The following KCNK2 variants were observed in gnomAD, a reference collection of about 807,000 sequenced individuals.
KCNK2 encodes the protein potassium two pore domain channel subfamily K member 2.
In KCNK2, 21 loss-of-function variants were observed where a neutral mutation model predicts 40.5. The observed-to-expected ratio is 0.52, with a 90% CI of 0.37 to 0.75. KCNK2 has a LOEUF of 0.75. KCNK2 is among the 30% of genes least tolerant of loss of function. The probability of loss-of-function intolerance (pLI) is 0.00; values close to 1 mark genes in which losing one functional copy is unlikely to be tolerated. For missense variants in KCNK2, 399 were observed against 531.6 expected (o/e 0.75, Z 2.45); for synonymous variants, 191 against 202.2 (o/e 0.94, Z 0.47).
At chr1:215,032,237 G>C (rs971174368) in intron 1 of KCNK2, among the ~76,000 whole-genome samples, 1 of 151,588 alleles carries the variant, frequency 6.6e-6, no homozygotes, top group Non-Finnish European at 1.5e-5. Context: ...GGGAGACCCT[G>C]TGTCTACAAA....
intron 6 of KCNK2, among the ~76,000 whole-genome samples, chr1:215,208,144 G>T (rs1665398007): frequency 6.6e-6 from 1 of 152,030 alleles, no homozygotes; most frequent in African/African-American, 2.4e-5. Context: ...ATGACAGAAT[G>T]GATACATATA....
chr1:215,179,135 G>T (rs368788940), intron 5 of KCNK2, among the ~76,000 whole-genome samples: 2 of 151,860 alleles, frequency 1.3e-5, no homozygotes, highest in African/African-American at 4.8e-5. Flanking sequence ...TTTAATTTGT[G>T]TGCATAGAAA....
At chr1:215,084,607 T>A (rs6540883) in intron 1 of KCNK2, among the ~76,000 whole-genome samples, 380 of 152,164 alleles carry the variant, frequency 2.5e-3, no homozygotes, top group Middle Eastern at 6.8e-3. Flanking sequence ...CAGTTTTTTT[T>A]AATTATAGCA....
chr1:215,178,224 T>C (rs559982731), intron 5 of KCNK2, among the ~76,000 whole-genome samples: 1 of 152,270 alleles, frequency 6.6e-6, no homozygotes, highest in South Asian at 2.1e-4. Context: ...TATCTTCAAA[T>C]GTTACTGAAG....
At chr1:215,125,678 G>T (rs888784826) in intron 3 of KCNK2, among the ~76,000 whole-genome samples, 2 of 146,806 alleles carry the variant, frequency 1.4e-5, no homozygotes, top group African/African-American at 5.0e-5. Flanking sequence ...CATGGCACAT[G>T]TATACATATG....
chr1:215,041,591 T>C (rs761323912), intron 1 of KCNK2, among the ~76,000 whole-genome samples: 1 of 152,234 alleles, frequency 6.6e-6, no homozygotes, highest in Non-Finnish European at 1.5e-5. Context: ...CAGATCTTGA[T>C]ATTAGCTAGC....
At chr1:215,139,956 T>G (rs1662099984) in intron 3 of KCNK2, among the ~76,000 whole-genome samples, 1 of 152,154 alleles carries the variant, frequency 6.6e-6, no homozygotes, top group African/African-American at 2.4e-5. Flanking sequence ...TCTTTTACAG[T>G]GATTTTCCTA....
intron 2 of KCNK2, among the ~76,000 whole-genome samples, chr1:215,097,797 A>T (rs975668671): frequency 5.9e-5 from 9 of 151,982 alleles, no homozygotes; most frequent in African/African-American, 2.2e-4. Flanking sequence ...AATTCTTTTA[A>T]TAAGTAAAAT....
At chr1:215,145,675 T>C (rs1309537868) in intron 3 of KCNK2, among the ~76,000 whole-genome samples, 1 of 152,230 alleles carries the variant, frequency 6.6e-6, no homozygotes, top group Admixed American at 6.5e-5. Flanking sequence ...TATGGTTTAT[T>C]GTTTGATGCC....
intron 6 of KCNK2, among the ~76,000 whole-genome samples, chr1:215,212,141 T>C (rs1665768651): frequency 2.0e-5 from 3 of 152,138 alleles, no homozygotes. Context: ...ACTTTATAGC[T>C]GCAGCAAAAT....
At chr1:215,184,993 G>A (rs1339406) in intron 5 of KCNK2, among the ~76,000 whole-genome samples, 83,786 of 151,966 alleles carry the variant, frequency 0.55, 25,629 homozygotes, top group Non-Finnish European at 0.68. Context: ...TCATTTTGTA[G>A]AAGATGAAAA....
intron 1 of KCNK2, among the ~76,000 whole-genome samples, chr1:215,028,899 T>A (rs909079259): frequency 2.0e-5 from 3 of 152,178 alleles, no homozygotes; most frequent in African/African-American, 7.2e-5. Context: ...ATTTAATAAT[T>A]CATTTAAATG....
intron 6 of KCNK2, among the ~76,000 whole-genome samples, chr1:215,207,480 A>T (rs1187079970): frequency 1.3e-5 from 2 of 152,198 alleles, no homozygotes; most frequent in Non-Finnish European, 2.9e-5. Context: ...TGCTGTTTTA[A>T]ATGATTAACT....
At chr1:215,135,993 G>C (rs1472917523) in intron 3 of KCNK2, among the ~76,000 whole-genome samples, 3 of 152,002 alleles carry the variant, frequency 2.0e-5, no homozygotes, top group Admixed American at 2.0e-4. Flanking sequence ...TCAGCCTCCC[G>C]AAGTGCTGGG....
intron 3 of KCNK2, among the ~76,000 whole-genome samples, chr1:215,125,078 G>T (rs1266745271): frequency 6.6e-6 from 1 of 151,974 alleles, no homozygotes; most frequent in Non-Finnish European, 1.5e-5. Context: ...CTGAATTTTT[G>T]ATATTTTTTG....
At chr1:215,162,972 A>G (rs1406946271) in intron 3 of KCNK2, among the ~76,000 whole-genome samples, 5 of 152,010 alleles carry the variant, frequency 3.3e-5, no homozygotes, top group East Asian at 1.9e-4. Context: ...AAGAAAGTCA[A>G]TGGTAGCTTG....
chr1:215,156,629 G>T (rs577984547), intron 3 of KCNK2, among the ~76,000 whole-genome samples: 1 of 152,220 alleles, frequency 6.6e-6, no homozygotes, highest in South Asian at 2.1e-4. Flanking sequence ...CTGAGACTGG[G>T]TAATTTATGA....
intron 1 of KCNK2, among the ~76,000 whole-genome samples, chr1:215,048,540 A>G (rs978763961): frequency 5.3e-5 from 8 of 152,202 alleles, no homozygotes; most frequent in African/African-American, 1.9e-4. Flanking sequence ...AACAACAACA[A>G]ATAAAACAAA....
At chr1:215,113,945 G>C (rs1457776889) in intron 2 of KCNK2, among the ~76,000 whole-genome samples, 1 of 152,124 alleles carries the variant, frequency 6.6e-6, no homozygotes, top group East Asian at 1.9e-4. Context: ...GTGTGAGTGA[G>C]GTTCAAGTGT....
Sources: allele counts gnomAD v4.1 joint callset (sites outside exome capture counted in the v4.1 genomes callset), GRCh38; gene constraint gnomAD v4.1.1; transcripts MANE v1.5; gene names NCBI Gene and HGNC (gene_info 2026-07-23, HGNC 2026-07-21).